Variants in VRK2 observed in about 807,000 individuals in gnomAD.
VRK2 encodes VRK serine/threonine kinase 2, also known as serine/threonine-protein kinase VRK2.
A neutral mutation model predicts 57.6 loss-of-function variants in VRK2; 60 were observed. That is an observed-to-expected ratio of 1.04 (90% confidence interval 0.85 to 1.29). The LOEUF (loss-of-function observed/expected upper bound fraction) is 1.29, where lower values mean the gene tolerates loss of function less well. VRK2 is among the 50% of genes most tolerant of loss of function. The pLI is 0.00. For synonymous variants in VRK2, 231 were observed against 199.2 expected, an observed-to-expected ratio of 1.16 and a Z score of -1.35; for missense variants, 705 against 588.1, an observed-to-expected ratio of 1.20 and a Z score of -2.06.
chr2:58,095,411 G>C (rs1358508209), intron 7 of VRK2, among the ~76,000 whole-genome samples: 1 of 152,040 alleles, frequency 6.6e-6, no homozygotes, highest in Non-Finnish European at 1.5e-5. Flanking sequence ...ATATGAACAA[G>C]GAATGTTTCT....
intron 1 of VRK2, among the ~76,000 whole-genome samples, chr2:57,986,048 A>C (rs1283580147): frequency 6.6e-6 from 1 of 152,152 alleles, no homozygotes; most frequent in East Asian, 1.9e-4. Context: ...TAACCTACTT[A>C]AAAAGATTAT....
chr2:58,041,070 T>G, intron 3 of VRK2: 3 of 985,056 alleles, frequency 3.0e-6, no homozygotes, highest in Non-Finnish European at 3.6e-6. Context: ...GGATGTTAAC[T>G]GGGGGGGAAA....
At chr2:58,134,828 T>C (rs1679772808) in intron 9 of VRK2, among the ~76,000 whole-genome samples, 2 of 152,156 alleles carry the variant, frequency 1.3e-5, no homozygotes, top group African/African-American at 4.8e-5. Flanking sequence ...ATAAATTTGT[T>C]ATACTTTCTC....
At chr2:58,151,594 A>G (rs1425334667) in intron 12 of VRK2, among the ~76,000 whole-genome samples, 3 of 151,472 alleles carry the variant, frequency 2.0e-5, no homozygotes, top group African/African-American at 4.8e-5. Flanking sequence ...TGAGGTAACT[A>G]TTGATATAGC....
intron 2 of VRK2, among the ~76,000 whole-genome samples, chr2:58,063,250 T>G (rs1677629186): frequency 6.6e-6 from 1 of 151,738 alleles, no homozygotes; most frequent in Non-Finnish European, 1.5e-5. Flanking sequence ...TGTTTTTTTT[T>G]TTTTTTTAAC....
intron 8 of VRK2, among the ~76,000 whole-genome samples, chr2:58,130,482 A>G (rs1043179358): frequency 3.3e-5 from 5 of 152,226 alleles, no homozygotes; most frequent in African/African-American, 1.2e-4. Context: ...GGACTGTAGC[A>G]TTCTGCTAGA....
intron 12 of VRK2, among the ~76,000 whole-genome samples, chr2:58,154,488 GCAAA>G (rs1055621856): frequency 1.3e-4 from 19 of 151,692 alleles, no homozygotes; most frequent in South Asian, 2.1e-4. Context: ...TTCTTGGGGT[GCAAA>G]CAGATTATTA....
chr2:57,915,494 T>G (rs952773944), intron 1 of VRK2, among the ~76,000 whole-genome samples: 3 of 152,086 alleles, frequency 2.0e-5, no homozygotes, highest in African/African-American at 4.8e-5. Flanking sequence ...ATTATATACA[T>G]ATGTGCTCCC....
chr2:58,159,414 C>T lies in VRK2; in HGVS notation c.1248C>T (p.Phe416=). 6.2e-7 allele frequency: 1 copy of T among 1,613,474 alleles called. No individual in the cohort carries two copies. Among genetic ancestry groups the T allele is most frequent in the Non-Finnish European group, 8.5e-7 (1 of 1,179,658 alleles). The change falls in exon 13 of 13, where the codon TTC becomes TTT. Residue 416 remains phenylalanine (F), a synonymous_variant. Coordinates refer to ENST00000340157, the MANE Select transcript of VRK2 (RefSeq NM_006296.7). ...AACCTTTGAATGAAGTAAACAGTTTCCCACAAAAAATCAGCTATACACAAT... is the reference window on the plus strand; with the variant it reads ...AACCTTTGAATGAAGTAAACAGTTTTCCACAAAAAATCAGCTATACACAAT... ...SQEPLNEVNS[F]PQKISYTQFP...
At chr2:58,147,610 A>G (rs114927793) in intron 12 of VRK2, among the ~76,000 whole-genome samples, 1,548 of 151,938 alleles carry the variant, frequency 0.01, 24 homozygotes, top group African/African-American at 0.035. Context: ...TGTGGTGGCA[A>G]TGAGATACGT....
intron 1 of VRK2, among the ~76,000 whole-genome samples, chr2:57,977,344 C>T (rs771116038): frequency 1.2e-4 from 19 of 152,216 alleles, no homozygotes; most frequent in Middle Eastern, 3.4e-3. Flanking sequence ...TTCTTGCTAT[C>T]CATAAGCATG....
At chr2:58,134,955 G>A (rs1463612234) in intron 9 of VRK2, among the ~76,000 whole-genome samples, 186 bp from the exon 10 acceptor site, 1 of 152,014 alleles carries the variant, frequency 6.6e-6, no homozygotes, top group African/African-American at 2.4e-5. Flanking sequence ...AAATTAGTTT[G>A]TGGGCATTGA....
At chr2:58,022,702 T>C (rs1673796661) in intron 1 of VRK2, among the ~76,000 whole-genome samples, 1 of 152,022 alleles carries the variant, frequency 6.6e-6, no homozygotes, top group Non-Finnish European at 1.5e-5. Flanking sequence ...ATGGCTAAAC[T>C]TCATCTCTAT....
chr2:57,964,276 A>C (rs1196792140), intron 1 of VRK2, among the ~76,000 whole-genome samples: 2 of 152,230 alleles, frequency 1.3e-5, no homozygotes, highest in African/African-American at 4.8e-5. Flanking sequence ...AGCTAGAGAA[A>C]AGAAAAATAT....
chr2:58,055,107 A>G (rs1391003923), intron 2 of VRK2, among the ~76,000 whole-genome samples: 1 of 152,188 alleles, frequency 6.6e-6, no homozygotes, highest in Non-Finnish European at 1.5e-5. Flanking sequence ...CATTGGCATT[A>G]TATGATAACA....
chr2:57,990,238 T>C (rs1329873303), intron 1 of VRK2, among the ~76,000 whole-genome samples: 1 of 152,208 alleles, frequency 6.6e-6, no homozygotes, highest in African/African-American at 2.4e-5. Flanking sequence ...ATACTAATTT[T>C]AACTCCCTCT....
At chr2:57,926,998 TTG>T (rs57943937) in intron 1 of VRK2, among the ~76,000 whole-genome samples, 19 of 142,840 alleles carry the variant, frequency 1.3e-4, no homozygotes, top group South Asian at 6.9e-4. Flanking sequence ...TTTTAATTTC[TTG>T]TGTGTGTGTG....
intron 3 of VRK2, among the ~76,000 whole-genome samples, chr2:58,037,776 C>G (rs1050444446): frequency 6.6e-6 from 1 of 152,036 alleles, no homozygotes; most frequent in Non-Finnish European, 1.5e-5. Flanking sequence ...AGAAAATGAT[C>G]AAACTGAGTA....
intron 1 of VRK2, among the ~76,000 whole-genome samples, chr2:57,987,930 T>C (rs7578103): frequency 0.016 from 2,418 of 152,240 alleles, 63 homozygotes; most frequent in African/African-American, 0.055. Context: ...AAACTTAATT[T>C]ACAAGGCATT....
Sources: gnomAD v4.1 joint callset for allele counts (sites outside exome capture counted in the v4.1 genomes callset) on GRCh38, gnomAD v4.1.1 for gene constraint, MANE v1.5 for transcripts, NCBI Gene and HGNC (gene_info 2026-07-23, HGNC 2026-07-21) for gene names.